Variants in IFTAP observed in about 807,000 individuals in gnomAD.
IFTAP encodes the protein intraflagellar transport associated protein, also known as intraflagellar transport-associated protein.
IFTAP carries 19 observed loss-of-function variants against 19.4 expected under a neutral mutation model. That is an observed-to-expected ratio of 0.98 (90% CI 0.68 to 1.44). IFTAP has a LOEUF of 1.44. IFTAP is among the 40% of genes most tolerant of loss of function. The pLI is 0.00. For missense variants in IFTAP, 240 were observed against 253.6 expected (o/e 0.95, Z 0.36); for synonymous variants, 85 against 83.5 (o/e 1.02, Z -0.10).
intron 2 of IFTAP, among the ~76,000 whole-genome samples, chr11:36,618,570 T>C (rs527244107): frequency 1.9e-4 from 29 of 151,948 alleles, no homozygotes; most frequent in African/African-American, 6.8e-4. Context: ...AAATATTGGT[T>C]GAATAAATGC....
At chr11:36,610,321 A>T in intron 2 of IFTAP, 82 bp downstream of exon 2, 1 of 1,271,390 alleles carries the variant, frequency 7.9e-7, no homozygotes, top group Non-Finnish European at 1.1e-6. Context: ...CCTCTTGAGA[A>T]AGACTATTTA....
intron 2 of IFTAP, among the ~76,000 whole-genome samples, chr11:36,631,844 T>C (rs1020363829): frequency 2.0e-5 from 3 of 151,224 alleles, no homozygotes; most frequent in Non-Finnish European, 4.4e-5. Context: ...CTTGCTGTTG[T>C]CAGAAGAAGC....
At chr11:36,651,266 T>G (rs1420126207) in intron 5 of IFTAP, among the ~76,000 whole-genome samples, 2 of 152,246 alleles carry the variant, frequency 1.3e-5, no homozygotes, top group Non-Finnish European at 2.9e-5. Flanking sequence ...TGTGAGATGG[T>G]ATCTCATTGT....
intron 1 of IFTAP, among the ~76,000 whole-genome samples, chr11:36,597,917 C>G (rs75533805): frequency 6.6e-6 from 1 of 152,020 alleles, no homozygotes; most frequent in African/African-American, 2.4e-5. Context: ...ATAATTAAAT[C>G]CCTGAAGCAG....
At chr11:36,607,164 G>A (rs368193427) in intron 1 of IFTAP, among the ~76,000 whole-genome samples, 2 of 152,132 alleles carry the variant, frequency 1.3e-5, no homozygotes, top group East Asian at 1.9e-4. Context: ...AGGTAACATC[G>A]CTGCCTTCAA....
intron 1 of IFTAP, among the ~76,000 whole-genome samples, chr11:36,603,458 A>G (rs913241629): frequency 6.6e-6 from 1 of 152,042 alleles, no homozygotes; most frequent in Non-Finnish European, 1.5e-5. Context: ...TTTTAAGCTA[A>G]AAAAAATTAT....
At chr11:36,658,555 G>A (rs1416727375) in intron 5 of IFTAP, among the ~76,000 whole-genome samples, 1 of 152,158 alleles carries the variant, frequency 6.6e-6, no homozygotes, top group African/African-American at 2.4e-5. Flanking sequence ...TATATTCAAT[G>A]TAGGGTATTT....
intron 1 of IFTAP, among the ~76,000 whole-genome samples, chr11:36,604,516 T>C (rs1028009852): frequency 1.3e-5 from 2 of 152,176 alleles, no homozygotes; most frequent in Non-Finnish European, 2.9e-5. Context: ...TTCCTTTTGT[T>C]TCTTCTTTTG....
At chr11:36,642,634 C>G (rs1383205984) in intron 4 of IFTAP, among the ~76,000 whole-genome samples, 1 of 152,122 alleles carries the variant, frequency 6.6e-6, no homozygotes, top group African/African-American at 2.4e-5. Context: ...CCAAATCCAG[C>G]AGCACATCAA....
intron 1 of IFTAP, among the ~76,000 whole-genome samples, chr11:36,608,757 C>G (rs1851779034): frequency 6.6e-6 from 1 of 152,102 alleles, no homozygotes; most frequent in African/African-American, 2.4e-5. Context: ...CTCATCATAT[C>G]AGGAGTCTTG....
At chr11:36,610,350 C>T (rs148923154) in intron 2 of IFTAP, 111 bp downstream of exon 2, 5 of 1,034,316 alleles carry the variant, frequency 4.8e-6, no homozygotes, top group African/African-American at 1.6e-5. Flanking sequence ...TCATTCCATT[C>T]GTTTATCAGG....
chr11:36,596,246 G>T lies in IFTAP; in HGVS notation c.-24+1654G>T, dbSNP rs183088344. 7.3e-3 allele frequency among the ~76,000 whole-genome samples: 718 copies of T among 99,006 alleles called. 5 individuals carry two copies. Among genetic ancestry groups the T allele is most frequent in the Admixed American group, 8.6e-3 (71 of 8,264 alleles). The allele number at this position is 99,006 out of a possible 152,430, so 65.0% of individuals were successfully genotyped here. On this transcript the variant is annotated intron_variant, in intron 1 of 5. Transcript: ENST00000334307. ...TGTTTTTTTTTTTTTTTGCTTTAAA[G>T]AACTTCTGTAGATCAGCTGTAATTT...
chr11:36,644,230 C>A (rs535490157), intron 4 of IFTAP, among the ~76,000 whole-genome samples: 75 of 152,204 alleles, frequency 4.9e-4, no homozygotes, highest in African/African-American at 1.5e-3. Flanking sequence ...TTTATGCAGC[C>A]AACGGGCACA....
chr11:36,636,241 A>C (rs1303072522), intron 4 of IFTAP, 124 bp downstream of exon 4: 1 of 694,480 alleles, frequency 1.4e-6, no homozygotes, highest in Non-Finnish European at 2.4e-6. Flanking sequence ...GGAAGAACTA[A>C]AGTTGTGAGC....
intron 2 of IFTAP, among the ~76,000 whole-genome samples, chr11:36,611,161 C>T (rs1334926813): frequency 6.6e-6 from 1 of 152,138 alleles, no homozygotes; most frequent in Non-Finnish European, 1.5e-5. Flanking sequence ...CTACTTCATT[C>T]ATTCAAGTGG....
Position 36,642,844 on chromosome 11 carries a change from G to C in IFTAP, c.359-5172G>C, listed in dbSNP as rs185845407. Among the ~76,000 whole-genome samples the C allele has an allele frequency of 2.3e-3, 351 of 152,296 alleles. 1 individual carries two copies. The highest frequency in any genetic ancestry group is 4.5e-3 in the Non-Finnish European group (305 of 68,018). ...AAAAACTCTCAATAAATTAGGTATT[G>C]ATGGGACATATCTCAAAATAATAAG... is the stretch of plus-strand genomic sequence containing the variant. On this transcript the variant is annotated intron_variant, in intron 4 of 5. Coordinates refer to ENST00000334307, the MANE Select transcript of IFTAP (RefSeq NM_138787.4).
At chr11:36,608,018 G>A (rs1851755233) in intron 1 of IFTAP, among the ~76,000 whole-genome samples, 1 of 152,192 alleles carries the variant, frequency 6.6e-6, no homozygotes, top group African/African-American at 2.4e-5. Flanking sequence ...GCTACACAGT[G>A]TGTGGCAGAG....
chr11:36,652,560 A>C (rs1394145272), intron 5 of IFTAP, among the ~76,000 whole-genome samples: 1 of 152,106 alleles, frequency 6.6e-6, no homozygotes, highest in South Asian at 2.1e-4. Flanking sequence ...CTCCTGCCTG[A>C]TTGCCCTGGC....
chr11:36,631,688 CTG>C (rs1852732717), intron 2 of IFTAP, among the ~76,000 whole-genome samples: 1 of 151,178 alleles, frequency 6.6e-6, no homozygotes. Flanking sequence ...TGCTGAGTCT[CTG>C]GAACATTTTT....
Sources: gnomAD v4.1 joint callset for allele counts (sites outside exome capture counted in the v4.1 genomes callset) on GRCh38, gnomAD v4.1.1 for gene constraint, MANE v1.5 for transcripts, NCBI Gene and HGNC (gene_info 2026-07-23, HGNC 2026-07-21) for gene names.